The following HOXD3 variants were observed in gnomAD, a reference collection of about 807,000 sequenced individuals.
HOXD3 encodes the protein homeobox protein Hox-D3.
In HOXD3, 13 loss-of-function variants were observed where a neutral mutation model predicts 32.8. That is an observed-to-expected ratio of 0.40 (90% confidence interval 0.26 to 0.63). The LOEUF (loss-of-function observed/expected upper bound fraction) is 0.63, where lower values mean the gene tolerates loss of function less well. Ranked by LOEUF, HOXD3 falls within the 20% of genes least tolerant of loss-of-function variation. The pLI is 0.44. For missense variants in HOXD3, 504 were observed against 577.1 expected (o/e 0.87, Z 1.30); for synonymous variants, 241 against 246.8 (o/e 0.98, Z 0.22).
rs1409689429 is a variant in HOXD3 at position 176,169,405 on chromosome 2, C to T, written c.291C>T (p.Asn97=). 2.5e-6 allele frequency: 4 copies of T among 1,613,874 alleles called. No homozygotes were observed. The highest frequency in any genetic ancestry group is 1.1e-5 in the South Asian group (1 of 91,058). The stretch of plus-strand genomic sequence containing the variant: ...GCTGCATGCGGCCGGGCACTGGGAA[C>T]AGCCAGGGTGGGGGTGGTGGCAGCC... ...NGSCMRPGTG[N]SQGGGGGSQP... Residue 97 remains asparagine, a synonymous_variant, in exon 3 of 4, where the codon AAC becomes AAT. Coordinates refer to ENST00000683222, the MANE Select transcript of HOXD3 (RefSeq NM_006898.5).
rs187729012 is a variant in HOXD3, at chr2:176,164,686, C to G, written c.-85+518C>G. Reference sequence around the variant, plus strand: ...CTGGTTTAGGCAAAACAGGGGGAGGCGCCGAGACCAGCTCGAGCACTAGCG... The same window carrying G: ...CTGGTTTAGGCAAAACAGGGGGAGGGGCCGAGACCAGCTCGAGCACTAGCG... On this transcript the variant is annotated intron_variant, in intron 2 of 3. Coordinates refer to ENST00000683222, the MANE Select transcript of HOXD3 (RefSeq NM_006898.5). 9 of 152,274 alleles carry G rather than the reference C, an allele frequency of 5.9e-5. No individual in the cohort carries two copies. The East Asian group carries it at 1.2e-3, about 20-fold the overall frequency. 9.4% of individuals were successfully genotyped at this position (152,274 alleles called of 1,614,324 possible).
At chr2:176,152,546 G>T, upstream of HOXD3, 2 of 1,401,206 alleles carry the variant, frequency 1.4e-6, no homozygotes, top group South Asian at 2.3e-5. The surrounding 1 kb of genome is among the most constrained non-coding windows in gnomAD (Gnocchi z 5.2). Flanking sequence ...GAGCGGCGGA[G>T]GCGAGGGGCC....
chr2:176,154,801 G>A (rs1690610902), upstream of HOXD3, among the ~76,000 whole-genome samples: 1 of 152,200 alleles, frequency 6.6e-6, no homozygotes, highest in Non-Finnish European at 1.5e-5. Flanking sequence ...GGCAATACTT[G>A]AATGTCACCA....
At position 176,172,624 on chromosome 2, in the gene HOXD3, G is replaced by A; in HGVS notation, c.*350G>A. The A allele has an allele frequency of 3.5e-6, 1 of 286,120 alleles. No homozygotes were observed. The highest frequency in any genetic ancestry group is 6.1e-5 in the East Asian group (1 of 16,472). 17.7% of individuals were successfully genotyped at this position (286,120 alleles called of 1,614,324 possible). On this transcript the variant is annotated 3_prime_UTR_variant, in exon 4 of 4. Transcript: ENST00000683222. ...GAGGGACCAGAGCTTGGAGAGTCTT[G>A]GGCCTGGCCCGCGTCTAGCTTAGTT...
At chr2:176,170,492 C>T (rs754852097) in intron 3 of HOXD3, among the ~76,000 whole-genome samples, 1 of 152,198 alleles carries the variant, frequency 6.6e-6, no homozygotes, top group Non-Finnish European at 1.5e-5. Flanking sequence ...GCTGTTCCTT[C>T]TCTCTGCTTA....
rs889224070 is a variant in HOXD3, at chr2:176,157,421, G to A, written c.-212G>A. On this transcript the variant is annotated 5_prime_UTR_variant, in exon 1 of 4. Coordinates refer to ENST00000683222, the MANE Select transcript of HOXD3 (RefSeq NM_006898.5). ...GCGGTGCCCCCGGCCCTCCACCCCC[G>A]GCCCCCGGCGGGCGCGGGAGCGCGG... Among the ~76,000 whole-genome samples the A allele has an allele frequency of 2.0e-3, 298 of 152,122 alleles. 3 individuals carry two copies. Among genetic ancestry groups the A allele is most frequent in the Non-Finnish European group, 5.7e-4 (39 of 67,970 alleles).
At chr2:176,156,075 T>A (rs753378839), upstream of HOXD3, among the ~76,000 whole-genome samples, 2 of 152,218 alleles carry the variant, frequency 1.3e-5, no homozygotes, top group African/African-American at 2.4e-5. Context: ...TGTAGCAAAA[T>A]CTCCCTCCTG....
upstream of HOXD3, among the ~76,000 whole-genome samples, chr2:176,156,409 C>G (rs1048776965): frequency 6.6e-6 from 1 of 152,184 alleles, no homozygotes; most frequent in Non-Finnish European, 1.5e-5. Context: ...TTCTGCTGGG[C>G]CCGGGCCAGG....
At chr2:176,154,371 A>C (rs1690603018), upstream of HOXD3, among the ~76,000 whole-genome samples, 1 of 152,278 alleles carries the variant, frequency 6.6e-6, no homozygotes, top group Middle Eastern at 3.4e-3. Flanking sequence ...AGGAGGAAGA[A>C]GTCAAAGTTA....
At chr2:176,154,525 G>A (rs1419422603), upstream of HOXD3, among the ~76,000 whole-genome samples, 1 of 152,192 alleles carries the variant, frequency 6.6e-6, no homozygotes, top group African/African-American at 2.4e-5. Context: ...CAGAAGGGGG[G>A]TATTTTTTTC....
rs1691223996 is a variant in HOXD3 at position 176,172,308 on chromosome 2, A to G, written c.*34A>G. 6.4e-7 allele frequency: 1 copy of G among 1,557,406 alleles called. No individual in the cohort carries two copies. On this transcript the variant is annotated 3_prime_UTR_variant, in exon 4 of 4. Transcript: ENST00000683222. Reference sequence around the variant, plus strand: ...GCCAGCCCGAACTCGCGGCAAAATTACCTCTCTTGCTGTAGTGGTGGGGTA... The same window carrying G: ...GCCAGCCCGAACTCGCGGCAAAATTGCCTCTCTTGCTGTAGTGGTGGGGTA...
chr2:176,166,648 T>A (rs527442453), intron 2 of HOXD3, among the ~76,000 whole-genome samples: 2 of 152,318 alleles, frequency 1.3e-5, no homozygotes, highest in East Asian at 3.8e-4. Context: ...AAAAATTAAG[T>A]CCAGCTTTGT....
chr2:176,162,850 G>T (rs575180454), intron 1 of HOXD3, among the ~76,000 whole-genome samples: 3 of 152,330 alleles, frequency 2.0e-5, no homozygotes, highest in East Asian at 1.9e-4. Context: ...TACTTCTAAA[G>T]AACTCTTTTT....
chr2:176,164,009 T>A (rs1160865442), intron 1 of HOXD3, 64 bp from the exon 2 acceptor site: 1 of 152,208 alleles, frequency 6.6e-6, no homozygotes, highest in African/African-American at 2.4e-5. Flanking sequence ...GGAAAAGCCC[T>A]TCAACATGTA....
chr2:176,172,188 G>T lies in HOXD3; in HGVS notation c.1213G>T (p.Asp405Tyr). Residue 405 changes from aspartate to tyrosine, a missense_variant, in exon 4 of 4, where the codon GAC (aspartate) becomes TAC (tyrosine). Asp to Tyr is a radical substitution (Grantham distance 160). Transcript: ENST00000683222. ...AGGCAACCACCACCATGGACCTTGC[G>T]ACCCTCATCCCACCTACACAGATCT... ...IPGNHHHGPCDPHPTYTDLSA... is the reference protein window; with the variant it reads ...IPGNHHHGPCYPHPTYTDLSA... 1 of 1,612,762 alleles carries T rather than the reference G, an allele frequency of 6.2e-7. No individual in the cohort carries two copies. Among genetic ancestry groups the T allele is most frequent in the Non-Finnish European group, 8.5e-7 (1 of 1,179,964 alleles).
Position 176,157,514 on chromosome 2 carries a change from G to A in HOXD3, c.-181+62G>A, listed in dbSNP as rs574619789. Among the ~76,000 whole-genome samples, 6 of 152,296 alleles carry A rather than the reference G, an allele frequency of 3.9e-5. 1 individual carries two copies. In the South Asian group the frequency reaches 1.2e-3, roughly 32 times the overall value. ...AATCCTTAATGAACTTAGCTGTCAC[G>A]GCCGCTGACAAATAGTTCCCTTTGC... On this transcript the variant is annotated intron_variant, in intron 1 of 3. Transcript: ENST00000683222.
intron 2 of HOXD3, among the ~76,000 whole-genome samples, chr2:176,168,663 A>G (rs1691069432): frequency 6.6e-6 from 1 of 152,118 alleles, no homozygotes; most frequent in South Asian, 2.1e-4. Flanking sequence ...ACTCTGAAAT[A>G]GCTATTAATA....
Position 176,171,591 on chromosome 2 carries a change from C to T in HOXD3, c.616C>T (p.Leu206=). ...ACGCACGGCATACACGAGCGCGCAG[C>T]TGGTGGAATTGGAAAAGGAATTCCA... The part of the protein sequence containing the change: ...RVRTAYTSAQ[L]VELEKEFHFN... The change falls in exon 4 of 4, where the codon CTG becomes TTG. Residue 206 remains leucine (L), a synonymous_variant. Coordinates refer to ENST00000683222, the MANE Select transcript of HOXD3 (RefSeq NM_006898.5). 6.2e-7 allele frequency: 1 copy of T among 1,613,990 alleles called. No individual in the cohort carries two copies. Among genetic ancestry groups the T allele is most frequent in the Non-Finnish European group, 8.5e-7 (1 of 1,179,916 alleles).
Position 176,171,547 on chromosome 2 carries a change from G to A in HOXD3, c.572G>A (p.Gly191Asp). Residue 191 changes from glycine to aspartate, a missense_variant, in exon 4 of 4, where the codon GGC becomes GAC. Gly to Asp is a moderately conservative substitution (Grantham distance 94). Around this residue, in one of 3 missense-constraint regions of HOXD3, gnomAD observed 97 missense variants for 158.0 expected, o/e 0.61. Transcript: ENST00000683222. ...AGCTGCGAGGACAAGAGCCCGCCAG[G>A]CCCAGCATCCAAGCGGGTACGCACG... is the stretch of plus-strand genomic sequence containing the variant. ...GESCEDKSPP[G>D]PASKRVRTAY... 1 of 1,600,026 alleles carries A rather than the reference G, an allele frequency of 6.2e-7. No individual in the cohort carries two copies. The highest frequency in any genetic ancestry group is 8.5e-7 in the Non-Finnish European group (1 of 1,172,092).
Sources: gnomAD v4.1 joint callset for allele counts (sites outside exome capture counted in the v4.1 genomes callset) on GRCh38, gnomAD v4.1.1 for gene constraint, gnomAD v4.1.1 regional missense constraint, Gnocchi (gnomAD v3.1) non-coding constraint, MANE v1.5 for transcripts, NCBI Gene and HGNC (gene_info 2026-07-23, HGNC 2026-07-21) for gene names.